Variants in CCDC88A observed in about 807,000 individuals in gnomAD.
CCDC88A encodes the protein coiled-coil and HOOK domain protein 88A.
A neutral mutation model predicts 234.3 loss-of-function variants in CCDC88A; 54 were observed. The observed-to-expected ratio is 0.23, with a 90% CI of 0.19 to 0.29. The LOEUF (loss-of-function observed/expected upper bound fraction) is 0.29. Among genes scored for constraint, CCDC88A ranks in the 10% least tolerant of loss-of-function variants. The probability of loss-of-function intolerance (pLI) is 1.00; values close to 1 mark genes in which losing one functional copy is unlikely to be tolerated. For synonymous variants in CCDC88A, 753 were observed against 737.8 expected (o/e 1.02, Z -0.33); for missense variants, 1,832 against 2,123.4 (o/e 0.86, Z 2.70).
intron 9 of CCDC88A, among the ~76,000 whole-genome samples, chr2:55,347,606 CTT>C (rs547733323): frequency 0.033 from 3,413 of 101,948 alleles, 71 homozygotes; most frequent in African/African-American, 0.12. Flanking sequence ...ATTCATCTAC[CTT>C]TTTTTTTTTT....
intron 22 of CCDC88A, 23 bp downstream of exon 22, chr2:55,315,905 G>C (rs1377343234): frequency 4.3e-6 from 6 of 1,389,972 alleles, no homozygotes; most frequent in Non-Finnish European, 5.8e-6. Flanking sequence ...GAAGGACACA[G>C]TGATTAAACT....
intron 3 of CCDC88A, among the ~76,000 whole-genome samples, chr2:55,375,187 T>C (rs2864832): frequency 0.86 from 130,673 of 152,008 alleles, 56,606 homozygotes; most frequent in Admixed American, 0.93. Flanking sequence ...CTGGGCAACA[T>C]AGTGAGACCT....
chr2:55,382,791 T>C (rs546505070), intron 3 of CCDC88A, among the ~76,000 whole-genome samples: 1 of 152,350 alleles, frequency 6.6e-6, no homozygotes, highest in South Asian at 2.1e-4. Flanking sequence ...AACTTTCTGA[T>C]AATCTAATGT....
chr2:55,339,361 A>G, intron 13 of CCDC88A, 103 bp downstream of exon 13: 2 of 1,067,762 alleles, frequency 1.9e-6, no homozygotes, highest in Non-Finnish European at 2.6e-6. Flanking sequence ...ACAAGTTAAA[A>G]TAACATTGAG....
chr2:55,383,083 A>C (rs1450904583), intron 3 of CCDC88A, among the ~76,000 whole-genome samples: 6 of 152,008 alleles, frequency 3.9e-5, no homozygotes, highest in African/African-American at 9.7e-5. Flanking sequence ...GAAAAAAAAA[A>C]AAAACAAAAG....
intron 3 of CCDC88A, among the ~76,000 whole-genome samples, chr2:55,378,143 G>T (rs1301473188): frequency 6.6e-6 from 1 of 152,020 alleles, no homozygotes; most frequent in Non-Finnish European, 1.5e-5. Context: ...TCTTCAATGT[G>T]GTCCACTACC....
chr2:55,334,633 G>T lies in CCDC88A; in HGVS notation c.2188C>A (p.Leu730Met), dbSNP rs1304347151. The T allele has an allele frequency of 6.2e-7, 1 of 1,613,572 alleles. No individual in the cohort carries two copies. Among genetic ancestry groups the T allele is most frequent in the Non-Finnish European group, 8.5e-7 (1 of 1,179,818 alleles). ...TTAAGTTGCTCTTTTTCACTTTCCA[G>T]TTCTTTGTTTTCTAGCTGTAGCTGA... is the stretch of plus-strand genomic sequence containing the variant. ...MAQLQLENKE[L>M]ESEKEQLKKG... The change falls in exon 15 of 33, where the codon CTG becomes ATG. Residue 730 changes from leucine to methionine, a missense_variant. Leu to Met is a conservative substitution (Grantham distance 15). This residue lies in a region of CCDC88A where 1,282 missense variants were observed against 1,543.6 expected (regional missense o/e 0.83). Transcript: ENST00000436346. This position sits in a 1 kb window ranked among gnomAD's most constrained non-coding sequence, Gnocchi z 6.1.
intron 31 of CCDC88A, 109 bp from the exon 32 acceptor site, chr2:55,291,884 A>ACTG: frequency 1.5e-6 from 1 of 687,588 alleles, no homozygotes; most frequent in South Asian, 2.1e-5. Context: ...GGAATCTGTA[A>ACTG]CTGTCTGGGA....
At chr2:55,394,531 A>G (rs1390714297) in intron 2 of CCDC88A, 1 of 151,580 alleles carries the variant, frequency 6.6e-6, no homozygotes, top group Non-Finnish European at 1.5e-5. Flanking sequence ...TGGTTGAACT[A>G]GTCTACAGTC....
rs915283159 is a variant in CCDC88A at position 55,335,379 on chromosome 2, A to C, written c.1657-215T>G. Among the ~76,000 whole-genome samples the C allele has an allele frequency of 5.6e-5, 8 of 143,236 alleles. No homozygotes were observed. In the East Asian group the frequency reaches 1.7e-3, roughly 30 times the overall value. The allele number at this position is 143,236 out of a possible 152,430, so 94.0% of individuals were successfully genotyped here. A position where few individuals can be genotyped will look rare whatever the true frequency, so the allele number is the denominator to read the frequency against. On this transcript the variant is annotated intron_variant, in intron 14 of 32. Transcript: ENST00000436346. The surrounding 1 kb of genome is among the most constrained non-coding windows in gnomAD (Gnocchi z 4.5). ...TGTGTACACTTACTGTGAGGTCATT[A>C]AAGTTCATGTTTTTAGGAAGTTCAC...
At chr2:55,416,443 A>C (rs1454417) in intron 2 of CCDC88A, among the ~76,000 whole-genome samples, 2 of 15,838 alleles carry the variant, frequency 1.3e-4, no homozygotes, top group Non-Finnish European at 2.8e-4. Context: ...TAAATAAATA[A>C]ATATATATAT....
At position 55,317,408 on chromosome 2, in the gene CCDC88A, A is replaced by G. The variant is rs1377944863; in HGVS notation, c.3603-59T>C. 2 of 1,316,994 alleles carry G rather than the reference A, an allele frequency of 1.5e-6. No homozygotes were observed. The highest frequency in any genetic ancestry group is 2.0e-6 in the Non-Finnish European group (2 of 989,772). 81.6% of individuals were successfully genotyped at this position (1,316,994 alleles called of 1,614,324 possible). On this transcript the variant is annotated intron_variant, in intron 20 of 32. Coordinates refer to ENST00000436346, the MANE Select transcript of CCDC88A (RefSeq NM_001365480.1). This position sits in a 1 kb window ranked among gnomAD's most constrained non-coding sequence, Gnocchi z 4.2. ...TTACAAAAAAGAAATTTTAGAAATG[A>G]AGGAAATGAGTAATGAGTATCATTT...
chr2:55,327,867 G>C (rs1232046816), intron 17 of CCDC88A, among the ~76,000 whole-genome samples: 1 of 152,180 alleles, frequency 6.6e-6, no homozygotes, highest in East Asian at 1.9e-4. Context: ...AAATTTATGA[G>C]ATCAGGTGCT....
In CCDC88A at chr2:55,295,613, G is replaced by A. The variant is rs1679943415; in HGVS notation, c.5535C>T (p.Asn1845=). 1 of 1,614,070 alleles carries A rather than the reference G, an allele frequency of 6.2e-7. No individual in the cohort carries two copies. The highest frequency in any genetic ancestry group is 1.3e-5 in the African/African-American group (1 of 74,930). ...GGTACTCACTAGATGCTGCAGTGGT[G>A]TTGCTGTCAGCAGCAGCTGGTGGTG... ...VDSPPAAADS[N]TTAASNVDKV... The change falls in exon 31 of 33, where the codon AAC becomes AAT. Residue 1845 remains asparagine (N), a synonymous_variant. Transcript: ENST00000436346.
chr2:55,302,955 A>G, intron 26 of CCDC88A, 114 bp downstream of exon 26: 1 of 733,988 alleles, frequency 1.4e-6, no homozygotes, highest in Non-Finnish European at 2.4e-6. Flanking sequence ...TTAGAGGAAG[A>G]CTGACCTCTG....
intron 9 of CCDC88A, 144 bp from the exon 10 acceptor site, chr2:55,346,477 T>C (rs901889926): frequency 4.3e-5 from 18 of 413,814 alleles, no homozygotes; most frequent in African/African-American, 3.6e-4. Flanking sequence ...TGGAGTGCAA[T>C]GGTGCAATCT....
intron 2 of CCDC88A, among the ~76,000 whole-genome samples, chr2:55,413,661 C>T (rs1680868360): frequency 6.6e-6 from 1 of 152,158 alleles, no homozygotes; most frequent in Non-Finnish European, 1.5e-5. Context: ...AGGAAACTCA[C>T]AGCCTAGTCA....
chr2:55,385,629 G>A (rs1424433703), intron 3 of CCDC88A, among the ~76,000 whole-genome samples: 1 of 151,618 alleles, frequency 6.6e-6, no homozygotes. Context: ...GAGGCGCGTG[G>A]ATCATCTGAG....
At chr2:55,348,085 C>T (rs970859513) in intron 9 of CCDC88A, among the ~76,000 whole-genome samples, 21 of 152,072 alleles carry the variant, frequency 1.4e-4, no homozygotes, top group African/African-American at 4.3e-4. Context: ...CCTCAGTCTC[C>T]CAAGTAGCTG....
Sources: gnomAD v4.1 joint callset for allele counts (sites outside exome capture counted in the v4.1 genomes callset) on GRCh38, gnomAD v4.1.1 for gene constraint, gnomAD v4.1.1 regional missense constraint, Gnocchi (gnomAD v3.1) non-coding constraint, MANE v1.5 for transcripts, NCBI Gene and HGNC (gene_info 2026-07-23, HGNC 2026-07-21) for gene names.